RNF150: variants seen among roughly 807,000 people sequenced by gnomAD.
RNF150 encodes the protein ring finger protein 150.
RNF150 carries 24 observed loss-of-function variants against 39.3 expected under a neutral mutation model. The ratio of observed to expected loss-of-function variants is 0.61; its 90% CI spans 0.44 to 0.86. The LOEUF (loss-of-function observed/expected upper bound fraction) is 0.86. Among genes scored for constraint, RNF150 ranks in the 40% least tolerant of loss-of-function variants. The probability of loss-of-function intolerance (pLI) is 0.00; values close to 1 mark genes in which losing one functional copy is unlikely to be tolerated. For synonymous variants in RNF150, 255 were observed against 227.3 expected (o/e 1.12, Z -1.10); for missense variants, 502 against 587.8 (o/e 0.85, Z 1.51).
At position 141,132,890 on chromosome 4, in the gene RNF150, C is replaced by T; in HGVS notation, c.-82G>A. On this transcript the variant is annotated 5_prime_UTR_variant, in exon 1 of 7. Transcript: ENST00000515673. The surrounding 1 kb of genome is among the most constrained non-coding windows in gnomAD (Gnocchi z 4.9). ...CTCCCCAGCCCCGGCCAACCCCGGG[C>T]CGCTGCCTCTCCTCCTGCTGCTGCT... is the stretch of plus-strand genomic sequence containing the variant. The T allele has an allele frequency of 8.4e-7, 1 of 1,193,204 alleles. No individual in the cohort carries two copies. The highest frequency in any genetic ancestry group is 1.2e-6 in the Non-Finnish European group (1 of 831,744). 73.9% of individuals were successfully genotyped at this position (1,193,204 alleles called of 1,614,324 possible). A position where few individuals can be genotyped will look rare whatever the true frequency, so the allele number is the denominator to read the frequency against.
chr4:141,088,130 A>G (rs1457744904), intron 1 of RNF150, among the ~76,000 whole-genome samples: 3 of 152,178 alleles, frequency 2.0e-5, no homozygotes, highest in Admixed American at 1.3e-4. Context: ...GATGTCAAAA[A>G]CTACTTTTCA....
At position 140,890,991 on chromosome 4, in the gene RNF150, C is replaced by A. The variant is rs558339719; in HGVS notation, c.1198+20153G>T. Among the ~76,000 whole-genome samples, 5 of 152,244 alleles carry A rather than the reference C, an allele frequency of 3.3e-5. No individual in the cohort carries two copies. The East Asian group carries it at 9.7e-4, about 29-fold the overall frequency. On this transcript the variant is annotated intron_variant, in intron 6 of 6. Coordinates refer to ENST00000515673, the MANE Select transcript of RNF150 (RefSeq NM_020724.2). ...AAGAGAAATGAAGAGGTGTAAAGTA[C>A]CATTTTAAATCACTGATCTCACTAA...
intron 1 of RNF150, among the ~76,000 whole-genome samples, chr4:141,190,010 T>G (rs185813947): frequency 2.0e-5 from 3 of 151,998 alleles, no homozygotes; most frequent in African/African-American, 7.2e-5. Context: ...GTGCTTAAAA[T>G]CTGGGGCCCT....
At chr4:140,911,647 T>G (rs1446034145) in intron 5 of RNF150, among the ~76,000 whole-genome samples, 17 of 152,168 alleles carry the variant, frequency 1.1e-4, no homozygotes, top group Admixed American at 1.1e-3. Flanking sequence ...ATTTAAATAA[T>G]CACTTAGGGG....
intron 1 of RNF150, among the ~76,000 whole-genome samples, chr4:141,030,040 C>CA (rs1397256505): frequency 2.6e-5 from 4 of 151,804 alleles, no homozygotes; most frequent in Admixed American, 6.6e-5. Flanking sequence ...ACTAAAAATA[C>CA]AAAAAATTAG....
chr4:141,133,762 A>T (rs1236561285), upstream of RNF150, among the ~76,000 whole-genome samples: 2 of 152,114 alleles, frequency 1.3e-5, no homozygotes, highest in South Asian at 4.2e-4. Flanking sequence ...TACTGCCGTG[A>T]GCTCCCTGAT....
chr4:140,870,303 A>T (rs917704801), intron 6 of RNF150, among the ~76,000 whole-genome samples: 1 of 152,210 alleles, frequency 6.6e-6, no homozygotes, highest in African/African-American at 2.4e-5. Context: ...TAAAGATACA[A>T]GTCTTTGGTA....
At chr4:140,882,988 C>G (rs2111208359) in intron 6 of RNF150, among the ~76,000 whole-genome samples, 1 of 151,838 alleles carries the variant, frequency 6.6e-6, no homozygotes, top group Non-Finnish European at 1.5e-5. Context: ...TTGCTGCCTT[C>G]TTGTTAGTTT....
chr4:141,109,203 T>C (rs1360578146), intron 1 of RNF150, among the ~76,000 whole-genome samples: 1 of 152,190 alleles, frequency 6.6e-6, no homozygotes, highest in Non-Finnish European at 1.5e-5. Context: ...ATCATTACTA[T>C]AATCTCTTTG....
At chr4:141,172,397 C>T (rs1232471611) in intron 1 of RNF150, among the ~76,000 whole-genome samples, 1 of 152,140 alleles carries the variant, frequency 6.6e-6, no homozygotes, top group African/African-American at 2.4e-5. Flanking sequence ...CTCTTCACAG[C>T]GAGACTCTGG....
At chr4:140,935,057 T>TTATATATATATA (rs1731804493) in intron 4 of RNF150, among the ~76,000 whole-genome samples, 6 of 33,796 alleles carry the variant, frequency 1.8e-4, no homozygotes. Flanking sequence ...ATATATATAT[T>TTATATATATATA]ATATATATAT....
At chr4:140,994,488 A>ACT (rs1439581244) in intron 1 of RNF150, among the ~76,000 whole-genome samples, 1 of 152,174 alleles carries the variant, frequency 6.6e-6, no homozygotes, top group Non-Finnish European at 1.5e-5. Flanking sequence ...CACAACACAC[A>ACT]CACACACACA....
At chr4:141,175,144 G>A (rs1226642758) in intron 1 of RNF150, among the ~76,000 whole-genome samples, 3 of 152,152 alleles carry the variant, frequency 2.0e-5, no homozygotes, top group African/African-American at 7.2e-5. Flanking sequence ...TGGTGGGAAC[G>A]AACAAACGGG....
At chr4:141,166,895 G>T (rs2572241) in intron 1 of RNF150, among the ~76,000 whole-genome samples, 1 of 151,934 alleles carries the variant, frequency 6.6e-6, no homozygotes, top group African/African-American at 2.4e-5. Flanking sequence ...AGACAAGGAT[G>T]CCCTCTCTCA....
intron 1 of RNF150, among the ~76,000 whole-genome samples, chr4:141,039,463 C>A (rs777038363): frequency 1.8e-4 from 27 of 151,856 alleles, no homozygotes; most frequent in Non-Finnish European, 2.6e-4. Context: ...GACAGCAGAG[C>A]TAGGGCACAG....
intron 1 of RNF150, among the ~76,000 whole-genome samples, chr4:140,996,607 G>T (rs954538868): frequency 1.3e-5 from 2 of 152,182 alleles, no homozygotes; most frequent in African/African-American, 4.8e-5. Context: ...AAATATAGAT[G>T]TAAATGTGCT....
intron 4 of RNF150, among the ~76,000 whole-genome samples, chr4:140,945,352 C>T (rs1732248106): frequency 6.6e-6 from 1 of 151,918 alleles, no homozygotes; most frequent in African/African-American, 2.4e-5. Flanking sequence ...TGGAATAACA[C>T]ATCATGAAAG....
chr4:140,966,238 G>A (rs1733238500), intron 2 of RNF150, among the ~76,000 whole-genome samples: 1 of 152,038 alleles, frequency 6.6e-6, no homozygotes, highest in African/African-American at 2.4e-5. Context: ...TACTTGGGAG[G>A]CCAAGGCACG....
intron 1 of RNF150, among the ~76,000 whole-genome samples, chr4:140,973,453 T>C (rs1004291415): frequency 6.6e-6 from 1 of 152,142 alleles, no homozygotes; most frequent in Admixed American, 6.6e-5. Flanking sequence ...TATTTCCTCC[T>C]AAATTTTTTC....
Sources: gnomAD v4.1 joint callset for allele counts (sites outside exome capture counted in the v4.1 genomes callset) on GRCh38, gnomAD v4.1.1 for gene constraint, Gnocchi (gnomAD v3.1) non-coding constraint, MANE v1.5 for transcripts, NCBI Gene and HGNC (gene_info 2026-07-23, HGNC 2026-07-21) for gene names.